CFHR4: variants seen among roughly 807,000 people sequenced by gnomAD.
The protein encoded by CFHR4 is complement factor H related 4.
A neutral mutation model predicts 69.3 loss-of-function variants in CFHR4; 64 were observed. That is an observed-to-expected ratio of 0.92 (90% confidence interval 0.76 to 1.14). The LOEUF (loss-of-function observed/expected upper bound fraction) is 1.14, where lower values mean the gene tolerates loss of function less well. Ranked by LOEUF, CFHR4 falls within the 50% of genes most tolerant of loss-of-function variation. The pLI is 0.00. For synonymous variants in CFHR4, 244 were observed against 237.0 expected (o/e 1.03, Z -0.27); for missense variants, 636 against 684.9 (o/e 0.93, Z 0.80).
chr1:196,914,879 G>A, intron 8 of CFHR4, 77 bp from the exon 9 acceptor site: 3 of 1,533,702 alleles, frequency 2.0e-6, no homozygotes, highest in South Asian at 2.4e-5. Flanking sequence ...ACAGTTAAGA[G>A]TATATAAAAA....
rs775866008 is a variant in CFHR4, at chr1:196,905,149, A to G, written c.298A>G (p.Ile100Val). The G allele has an allele frequency of 1.2e-6, 2 of 1,604,906 alleles. No individual in the cohort carries two copies. The highest frequency in any genetic ancestry group is 1.7e-6 in the Non-Finnish European group (2 of 1,176,484). Residue 100 changes from isoleucine (I) to valine (V), a missense_variant, in exon 3 of 10, where the codon ATT becomes GTT. Physicochemically the swap from Ile to Val is conservative, Grantham distance 29. Transcript: ENST00000608469. Reference protein sequence around the residue: ...KSDVEIENGFISESSSIYILN... With the variant: ...KSDVEIENGFVSESSSIYILN... The stretch of plus-strand genomic sequence containing the variant: ...AGATGTAGAAATTGAAAATGGATTC[A>G]TTTCTGAATCTTCCTCTATTTATAT...
chr1:196,893,977 T>A (rs1438429810), intron 1 of CFHR4, among the ~76,000 whole-genome samples: 1 of 151,554 alleles, frequency 6.6e-6, no homozygotes, highest in Non-Finnish European at 1.5e-5. Context: ...GCTGGGAAGA[T>A]AACACAAAAA....
At chr1:196,888,290 T>G in intron 1 of CFHR4, 82 bp downstream of exon 1, 1 of 1,397,928 alleles carries the variant, frequency 7.2e-7, no homozygotes, top group Non-Finnish European at 1.0e-6. Context: ...GTCTATAATT[T>G]TTTTATAAAT....
Position 196,891,846 on chromosome 1 carries a change from G to A in CFHR4, c.58+3638G>A, listed in dbSNP as rs1431924620. Among the ~76,000 whole-genome samples the A allele has an allele frequency of 3.3e-5, 5 of 150,594 alleles. 1 individual carries two copies. Among genetic ancestry groups the A allele is most frequent in the South Asian group, 2.1e-4 (1 of 4,782 alleles). ...AATGTATGAATATATATGTATATTC[G>A]TGTGTGGACCTATATTTTTATATCA... On this transcript the variant is annotated intron_variant, in intron 1 of 9. Transcript: ENST00000608469.
intron 5 of CFHR4, among the ~76,000 whole-genome samples, chr1:196,909,076 T>C (rs1658091693): frequency 6.6e-6 from 1 of 151,580 alleles, no homozygotes; most frequent in South Asian, 2.1e-4. Context: ...TTTACAAGTA[T>C]CTTTGAACAT....
chr1:196,906,989 T>C lies in CFHR4; in HGVS notation c.568T>C (p.Ser190Pro), dbSNP rs1444063256. ...YESSYGNTTD[S>P]IVCGEDGWSH... Reference sequence around the variant, plus strand: ...AAGCAGTTATGGAAACACCACAGATTCCATAGTGTGTGGTGAAGATGGCTG... The same window carrying C: ...AAGCAGTTATGGAAACACCACAGATCCCATAGTGTGTGGTGAAGATGGCTG... Residue 190 changes from serine to proline, a missense_variant, in exon 4 of 10, where the codon TCC becomes CCC. Transcript: ENST00000608469. 6.2e-7 allele frequency: 1 copy of C among 1,612,502 alleles called. No homozygotes were observed. Among genetic ancestry groups the C allele is most frequent in the Middle Eastern group, 1.7e-4 (1 of 6,058 alleles).
intron 5 of CFHR4, among the ~76,000 whole-genome samples, chr1:196,909,308 A>C (rs906955446): frequency 6.6e-6 from 1 of 151,558 alleles, no homozygotes; most frequent in Non-Finnish European, 1.5e-5. Context: ...AGCAAAGAGC[A>C]TTCAAGCAGG....
chr1:196,905,042 T>C (rs1657835469), intron 2 of CFHR4, 66 bp from the exon 3 acceptor site: 16 of 1,361,670 alleles, frequency 1.2e-5, no homozygotes, highest in African/African-American at 1.5e-5. Flanking sequence ...ATGTTTTTAC[T>C]TGTTCCCTTC....
chr1:196,910,447 A>G lies in CFHR4; in HGVS notation c.966A>G (p.Gln322=). ...GSYWDYIHCT[Q]DGWLPTVPCL... ...ACTGGGATTACATTCACTGCACACA[A>G]GATGGGTGGTTGCCAACAGTCCCAT... The change falls in exon 6 of 10, where the codon CAA becomes CAG. Residue 322 remains glutamine (Q), a synonymous_variant. Transcript: ENST00000608469. 4 of 1,612,870 alleles carry G rather than the reference A, an allele frequency of 2.5e-6. No individual in the cohort carries two copies. The highest frequency in any genetic ancestry group is 1.7e-4 in the Middle Eastern group (1 of 6,058).
At chr1:196,902,112 A>T in intron 1 of CFHR4, among the ~76,000 whole-genome samples, 1 of 151,654 alleles carries the variant, frequency 6.6e-6, no homozygotes, top group Middle Eastern at 3.4e-3. Context: ...GAAAAAGAAG[A>T]CAGATGAGCT....
chr1:196,900,204 T>C (rs1657528284), intron 1 of CFHR4, among the ~76,000 whole-genome samples: 1 of 151,240 alleles, frequency 6.6e-6, no homozygotes, highest in African/African-American at 2.4e-5. Context: ...AACATTGTGA[T>C]AGAACCATCA....
At chr1:196,888,261 G>T in intron 1 of CFHR4, 53 bp downstream of exon 1, 1 of 1,555,032 alleles carries the variant, frequency 6.4e-7, no homozygotes, top group Non-Finnish European at 8.9e-7. Context: ...GTAACTTCGT[G>T]TAATATCTAA....
intron 3 of CFHR4, among the ~76,000 whole-genome samples, chr1:196,905,598 A>G (rs904992939): frequency 6.6e-6 from 1 of 151,308 alleles, no homozygotes; most frequent in African/African-American, 2.4e-5. Context: ...GTCAATAAAA[A>G]CTTTGTTCTT....
Position 196,912,680 on chromosome 1 carries a change from C to T in CFHR4, c.998-60C>T, listed in dbSNP as rs138667663. On this transcript the variant is annotated intron_variant, in intron 6 of 9. Transcript: ENST00000608469. The stretch of plus-strand genomic sequence containing the variant: ...CATATTGCCATGTTTTTACTTGTTC[C>T]CTCCTATAAAAGAAGTATTCAACAA... 2.8e-4 allele frequency: 413 copies of T among 1,461,010 alleles called. 11 individuals are homozygous for T. The African/African-American group carries it at 5.2e-3, about 18-fold the overall frequency. 90.5% of individuals were successfully genotyped at this position (1,461,010 alleles called of 1,614,324 possible).
chr1:196,894,099 A>G (rs1056115369), intron 1 of CFHR4, among the ~76,000 whole-genome samples: 2 of 151,592 alleles, frequency 1.3e-5, no homozygotes, highest in East Asian at 1.9e-4. Context: ...CTTCGCTAAT[A>G]TAGAAAAACT....
chr1:196,910,803 T>C (rs1658222603), intron 6 of CFHR4, among the ~76,000 whole-genome samples: 1 of 151,650 alleles, frequency 6.6e-6, no homozygotes, highest in African/African-American at 2.4e-5. Context: ...ACGTCATTTT[T>C]GTGTACTGAT....
intron 1 of CFHR4, among the ~76,000 whole-genome samples, 172 bp from the exon 2 acceptor site, chr1:196,902,246 G>T (rs576492828): frequency 1.3e-5 from 2 of 151,566 alleles, no homozygotes; most frequent in South Asian, 4.2e-4. Context: ...ATCTTCATTA[G>T]CAAACAGCTC....
intron 9 of CFHR4, 32 bp from the exon 10 acceptor site, chr1:196,918,178 T>C (rs2124982762): frequency 6.3e-7 from 1 of 1,589,502 alleles, no homozygotes. Flanking sequence ...GGCAAGATTA[T>C]GATTGTTAAT....
chr1:196,902,612 C>T lies in CFHR4; in HGVS notation c.253C>T (p.Leu85Phe), dbSNP rs757532375. The T allele has an allele frequency of 3.1e-6, 5 of 1,604,742 alleles. No individual in the cohort carries two copies. The East Asian group carries it at 1.1e-4, about 36-fold the overall frequency. ...TGGTTGGTCACCAACGGTCCCATGC[C>T]TCAGTAAGTAAACCTCTTTACAAGA... ...QDGWSPTVPCLRTCSKSDVEI... is the reference protein window; with the variant it reads ...QDGWSPTVPCFRTCSKSDVEI... Residue 85 changes from leucine (L) to phenylalanine (F), a missense_variant, in exon 2 of 10, where the codon CTC becomes TTC. Physicochemically the swap from Leu to Phe is conservative, Grantham distance 22 (BLOSUM62 0). Around this residue, in one of 3 missense-constraint regions of CFHR4, gnomAD observed 529 missense variants for 533.2 expected, o/e 0.99. Coordinates refer to ENST00000608469, the MANE Select transcript of CFHR4 (RefSeq NM_001201550.3).
Sources: allele counts gnomAD v4.1 joint callset (sites outside exome capture counted in the v4.1 genomes callset), GRCh38; gene constraint gnomAD v4.1.1; regional missense constraint gnomAD v4.1.1; transcripts MANE v1.5; gene names NCBI Gene and HGNC (gene_info 2026-07-23, HGNC 2026-07-21).